Variants in RPL21 observed in about 807,000 individuals in gnomAD.
The protein encoded by RPL21 is ribosomal protein L21, also known as large ribosomal subunit protein eL21.
RPL21 carries 1 observed loss-of-function variant against 21.2 expected under a neutral mutation model. That is an observed-to-expected ratio of 0.05 (90% CI 0.02 to 0.22). RPL21 has a LOEUF of 0.22. Ranked by LOEUF, RPL21 falls within the 10% of genes least tolerant of loss-of-function variation. The pLI, the probability that RPL21 is intolerant of heterozygous loss-of-function variation, is 1.00. For missense variants in RPL21, 113 were observed against 199.4 expected (o/e 0.57, Z 2.61); for synonymous variants, 52 against 62.9 (o/e 0.83, Z 0.82).
chr13:27,252,245 T>G (rs1028677408), intron 1 of RPL21, among the ~76,000 whole-genome samples: 1 of 152,174 alleles, frequency 6.6e-6, no homozygotes, highest in Non-Finnish European at 1.5e-5. Flanking sequence ...GAAAGTGTTT[T>G]GAGGTTGCAA....
chr13:27,255,168 ACTTTG>A (rs1242361882), intron 3 of RPL21, 69 bp from the exon 4 acceptor site: 2 of 790,420 alleles, frequency 2.5e-6, no homozygotes, highest in African/African-American at 1.7e-5. Context: ...ATCTTAGAAT[ACTTTG>A]CAGTTACTTA....
At chr13:27,253,459 TAG>T (rs911984986) in intron 1 of RPL21, among the ~76,000 whole-genome samples, 1 of 152,232 alleles carries the variant, frequency 6.6e-6, no homozygotes, top group African/African-American at 2.4e-5. Context: ...GTTCTACAGA[TAG>T]AGTGTGGTAG....
At chr13:27,255,183 A>G in intron 3 of RPL21, 59 bp from the exon 4 acceptor site, 2 of 809,264 alleles carry the variant, frequency 2.5e-6, no homozygotes, top group Non-Finnish European at 4.5e-6. Flanking sequence ...GCAGTTACTT[A>G]AAGTCAGAAT....
chr13:27,252,229 C>T (rs17085345), intron 1 of RPL21, among the ~76,000 whole-genome samples: 1 of 151,994 alleles, frequency 6.6e-6, no homozygotes, highest in Non-Finnish European at 1.5e-5. Context: ...GGTGATCGGA[C>T]GAAGGGAAAG....
At chr13:27,252,379 A>C (rs1156358460) in intron 1 of RPL21, among the ~76,000 whole-genome samples, 1 of 152,210 alleles carries the variant, frequency 6.6e-6, no homozygotes, top group African/African-American at 2.4e-5. Context: ...AACAGAGTCG[A>C]GCAAACTGCA....
intron 1 of RPL21, among the ~76,000 whole-genome samples, chr13:27,253,395 T>C (rs796904038): frequency 5.9e-5 from 9 of 152,370 alleles, no homozygotes; most frequent in African/African-American, 2.2e-4. Context: ...TATTGTGTTC[T>C]CCACTAAATT....
In RPL21 at chr13:27,256,204, G is replaced by T; in HGVS notation, c.263G>T (p.Arg88Ile). 1.3e-6 allele frequency: 2 copies of T among 1,594,576 alleles called. No homozygotes were observed. Among genetic ancestry groups the T allele is most frequent in the Non-Finnish European group, 1.7e-6 (2 of 1,168,800 alleles). Residue 88 changes from arginine to isoleucine, a missense_variant, in exon 5 of 6, where the codon AGA becomes ATA. Physicochemically the swap from Arg to Ile is moderately conservative, Grantham distance 97 (BLOSUM62 -3). Coordinates refer to ENST00000311549, the MANE Select transcript of RPL21 (RefSeq NM_000982.4). The stretch of plus-strand genomic sequence containing the variant: ...TCCAGGGGCAAGATTCTTGCCAAGA[G>T]AATTAATGTGCGTATTGAGCACATT... ...KQVKGKILAK[R>I]INVRIEHIKH...
At position 27,254,310 on chromosome 13, in the gene RPL21, A is replaced by G. The variant is rs771446836; in HGVS notation, c.129+29A>G. ...AACATAAAATTGGGAAAATAACACT[A>G]CAGAAGATAGAAAAGTTGGATTTAA... is the stretch of plus-strand genomic sequence containing the variant. On this transcript the variant is annotated intron_variant, in intron 3 of 5. Coordinates refer to ENST00000311549, the MANE Select transcript of RPL21 (RefSeq NM_000982.4). 9 of 1,332,902 alleles carry G rather than the reference A, an allele frequency of 6.8e-6. No homozygotes were observed. In the African/African-American group the frequency reaches 1.3e-4, roughly 19 times the overall value. The allele number at this position is 1,332,902 out of a possible 1,614,324, so 82.6% of individuals were successfully genotyped here.
At chr13:27,254,485 C>G (rs1881803570) in intron 3 of RPL21, 4 of 538,632 alleles carry the variant, frequency 7.4e-6, no homozygotes, top group African/African-American at 1.9e-5. Flanking sequence ...CCGCCTCCCT[C>G]CCGGATTCAA....
chr13:27,253,618 C>T, intron 1 of RPL21, 147 bp from the exon 2 acceptor site: 1 of 636,914 alleles, frequency 1.6e-6, no homozygotes. Flanking sequence ...GATTTTTTAA[C>T]CTTTCAACAG....
In RPL21 at chr13:27,254,288, A is replaced by G. The variant is rs753736241; in HGVS notation, c.129+7A>G. ...TGATATTGTAGACATCAAGGTAAACATAAAATTGGGAAAATAACACTACAG... is the reference window on the plus strand; with the variant it reads ...TGATATTGTAGACATCAAGGTAAACGTAAAATTGGGAAAATAACACTACAG... On this transcript the variant is annotated splice_region_variant and intron_variant, in intron 3 of 5. Transcript: ENST00000311549. 1.0e-5 allele frequency: 16 copies of G among 1,551,772 alleles called. No individual in the cohort carries two copies. The highest frequency in any genetic ancestry group is 1.4e-5 in the Non-Finnish European group (16 of 1,123,040).
Position 27,254,775 on chromosome 13 carries a change from C to T in RPL21, c.130-467C>T, listed in dbSNP as rs537956993. ...TCGGGTGATCCGCCGGACTCAGCCT[C>T]CCAATGTGCTGGGATTATTACAGGT... On this transcript the variant is annotated intron_variant, in intron 3 of 5. Transcript: ENST00000311549. 3.4e-3 allele frequency among the ~76,000 whole-genome samples: 515 copies of T among 152,324 alleles called. 1 individual carries two copies. The highest frequency in any genetic ancestry group is 6.5e-3 in the Non-Finnish European group (439 of 68,028).
intron 3 of RPL21, 110 bp downstream of exon 3, chr13:27,254,391 G>GTTTTTTTT: frequency 1.8e-4 from 29 of 164,374 alleles, no homozygotes; most frequent in Non-Finnish European, 2.2e-4. Flanking sequence ...GTATAGAATG[G>GTTTTTTTT]ATTTTTTTTT....
chr13:27,255,590 G>C (rs1177147337), intron 4 of RPL21: 5 of 658,242 alleles, frequency 7.6e-6, no homozygotes, highest in South Asian at 5.6e-5. Flanking sequence ...GTTTTGTTTC[G>C]AGACGGAGTC....
intron 3 of RPL21, chr13:27,254,509 C>G: frequency 5.9e-6 from 3 of 509,248 alleles, no homozygotes; most frequent in Non-Finnish European, 7.0e-6. Context: ...GTTCTCCTGC[C>G]TCAGCCTCCC....
At chr13:27,255,571 G>A (rs562741654) in intron 4 of RPL21, 66 of 719,254 alleles carry the variant, frequency 9.2e-5, no homozygotes, top group African/African-American at 6.0e-4. Context: ...GTTACTAAGC[G>A]GTTTGTTTGT....
rs774013848 is a variant in RPL21, at chr13:27,256,373, C to CT, written c.393+42dup. ...GTATATTTCATTGGTTCTGAGAGCA[C>CT]TTTAAGGTTGAGATTTAACACATCA... On this transcript the variant is annotated intron_variant, in intron 5 of 5. Coordinates refer to ENST00000311549, the MANE Select transcript of RPL21 (RefSeq NM_000982.4). 354 of 1,597,126 alleles carry CT rather than the reference C, an allele frequency of 2.2e-4. 4 individuals are homozygous for CT. The highest frequency in any genetic ancestry group is 3.3e-4 in the Middle Eastern group (2 of 6,048).
At chr13:27,254,482 C>T (rs1881803134) in intron 3 of RPL21, 1 of 539,086 alleles carries the variant, frequency 1.9e-6, no homozygotes, top group African/African-American at 1.9e-5. Flanking sequence ...CCTCCGCCTC[C>T]CTCCCGGATT....
intron 3 of RPL21, among the ~76,000 whole-genome samples, chr13:27,254,722 C>T (rs1881814827): frequency 6.6e-6 from 1 of 152,092 alleles, no homozygotes; most frequent in Admixed American, 6.5e-5. Context: ...GGGGTTTCTC[C>T]ATGTTGGTCA....
Sources: gnomAD v4.1 joint callset for allele counts (sites outside exome capture counted in the v4.1 genomes callset) on GRCh38, gnomAD v4.1.1 for gene constraint, MANE v1.5 for transcripts, NCBI Gene and HGNC (gene_info 2026-07-23, HGNC 2026-07-21) for gene names.